Variants in GRM7 observed in about 807,000 individuals in gnomAD.
GRM7 encodes the protein glutamate metabotropic receptor 7, also known as metabotropic glutamate receptor 7.
GRM7 carries 35 observed loss-of-function variants against 84.5 expected under a neutral mutation model. The ratio of observed to expected loss-of-function variants is 0.41; its 90% CI spans 0.32 to 0.55. GRM7 has a LOEUF of 0.55. GRM7 is among the 20% of genes least tolerant of loss of function. The pLI is 0.19. For synonymous variants in GRM7, 487 were observed against 455.1 expected (o/e 1.07, Z -0.89); for missense variants, 1,003 against 1,194.6 (o/e 0.84, Z 2.36).
At chr3:6,970,564 G>A (rs1482411899) in intron 1 of GRM7, among the ~76,000 whole-genome samples, 1 of 152,234 alleles carries the variant, frequency 6.6e-6, no homozygotes, top group Non-Finnish European at 1.5e-5. Context: ...ATTGGTAAGA[G>A]GGAAAGCCGT....
At chr3:7,566,718 A>G (rs1399446651) in intron 7 of GRM7, among the ~76,000 whole-genome samples, 2 of 151,812 alleles carry the variant, frequency 1.3e-5, no homozygotes, top group Non-Finnish European at 2.9e-5. Context: ...CTAAGAATAT[A>G]TGGTATTTTT....
chr3:7,168,607 T>G (rs552747640), intron 2 of GRM7, among the ~76,000 whole-genome samples: 2 of 152,292 alleles, frequency 1.3e-5, no homozygotes, highest in African/African-American at 4.8e-5. Flanking sequence ...GTTTAAGCCC[T>G]TCAATGTATG....
intron 9 of GRM7, among the ~76,000 whole-genome samples, chr3:7,713,959 T>C (rs1412243697): frequency 6.6e-6 from 1 of 152,148 alleles, no homozygotes; most frequent in Non-Finnish European, 1.5e-5. Flanking sequence ...GTCTCTTCTT[T>C]ACTGAAAGTA....
chr3:7,104,814 A>G (rs1699240048), intron 1 of GRM7, among the ~76,000 whole-genome samples: 1 of 151,844 alleles, frequency 6.6e-6, no homozygotes, highest in African/African-American at 2.4e-5. Flanking sequence ...AAATGAAGCA[A>G]CTTTTACAAT....
intron 4 of GRM7, among the ~76,000 whole-genome samples, chr3:7,311,128 A>C (rs1448272154): frequency 6.6e-6 from 1 of 152,212 alleles, no homozygotes; most frequent in Non-Finnish European, 1.5e-5. Flanking sequence ...CAAGAATAAA[A>C]TAGTAAAGAG....
At chr3:7,605,019 C>T (rs1438869678) in intron 8 of GRM7, among the ~76,000 whole-genome samples, 1 of 152,138 alleles carries the variant, frequency 6.6e-6, no homozygotes, top group Non-Finnish European at 1.5e-5. Flanking sequence ...TTCATTAGTT[C>T]ATTCAGTCCT....
At chr3:7,731,994 T>C (rs1018146565) in intron 9 of GRM7, among the ~76,000 whole-genome samples, 3 of 152,184 alleles carry the variant, frequency 2.0e-5, no homozygotes, top group African/African-American at 7.2e-5. Context: ...TTGAACGAGA[T>C]AATATGAGTG....
intron 1 of GRM7, among the ~76,000 whole-genome samples, chr3:7,123,332 A>G (rs1380881381): frequency 6.6e-6 from 1 of 152,088 alleles, no homozygotes; most frequent in Non-Finnish European, 1.5e-5. Flanking sequence ...TTTTTAAGAA[A>G]GTGGGGCCAG....
chr3:7,599,810 C>T (rs929047554), intron 8 of GRM7, among the ~76,000 whole-genome samples: 1 of 151,896 alleles, frequency 6.6e-6, no homozygotes, highest in Admixed American at 6.6e-5. Context: ...GCTGTTGATT[C>T]GGGAGCACAA....
chr3:7,288,629 G>C (rs537946272), intron 2 of GRM7, among the ~76,000 whole-genome samples: 3 of 152,238 alleles, frequency 2.0e-5, no homozygotes, highest in South Asian at 2.1e-4. Context: ...CATTAAAAAT[G>C]CTTTGGAACC....
chr3:7,298,791 G>A lies in GRM7; in HGVS notation c.844G>A (p.Ala282Thr). 5 of 1,613,618 alleles carry A rather than the reference G, an allele frequency of 3.1e-6. No homozygotes were observed. The highest frequency in any genetic ancestry group is 4.2e-6 in the Non-Finnish European group (5 of 1,179,648). Reference protein sequence around the residue: ...KQLLDTPNSRAVVIFANDEDI... With the variant: ...KQLLDTPNSRTVVIFANDEDI... ...GCTCCTGGACACCCCCAACTCCAGG[G>A]CCGTCGTGATTTTTGCCAACGATGA... The change falls in exon 3 of 10, where the codon GCC becomes ACC. Residue 282 changes from alanine to threonine, a missense_variant. Ala to Thr is a moderately conservative substitution (Grantham distance 58, BLOSUM62 0). This residue lies in a region of GRM7 where 910 missense variants were observed against 1,126.0 expected (regional missense o/e 0.81). Transcript: ENST00000357716.
chr3:7,398,547 G>C (rs148635338), intron 4 of GRM7, among the ~76,000 whole-genome samples: 1 of 151,986 alleles, frequency 6.6e-6, no homozygotes, highest in Admixed American at 6.6e-5. Flanking sequence ...GGTAGCCTAC[G>C]TATGGAAAAA....
rs575970535 is a variant in GRM7 at position 7,095,810 on chromosome 3, G to A, written c.520-50642G>A. Among the ~76,000 whole-genome samples the A allele has an allele frequency of 1.1e-4, 17 of 151,904 alleles. 1 individual carries two copies. The South Asian group carries it at 3.3e-3, about 30-fold the overall frequency. On this transcript the variant is annotated intron_variant, in intron 1 of 9. Coordinates refer to ENST00000357716, the MANE Select transcript of GRM7 (RefSeq NM_000844.4). ...AAATTTCTTCACCAACTCTTATTTTGAATCTCTAAGATGTTCAGTTTCTCA... is the reference window on the plus strand; with the variant it reads ...AAATTTCTTCACCAACTCTTATTTTAAATCTCTAAGATGTTCAGTTTCTCA...
chr3:7,114,498 A>T (rs1692965053), intron 1 of GRM7, among the ~76,000 whole-genome samples: 2 of 152,210 alleles, frequency 1.3e-5, no homozygotes, highest in South Asian at 2.1e-4. Context: ...TTAATACATA[A>T]AATTTACTAA....
intron 2 of GRM7, among the ~76,000 whole-genome samples, chr3:7,286,300 G>C (rs1299166697): frequency 6.6e-6 from 1 of 152,084 alleles, no homozygotes. Flanking sequence ...TTTGGTATTT[G>C]TCGGGCCAGT....
At position 7,663,553 on chromosome 3, in the gene GRM7, T is replaced by G. The variant is rs568605381; in HGVS notation, c.2452-16496T>G. 1.1e-4 allele frequency among the ~76,000 whole-genome samples: 17 copies of G among 152,286 alleles called. No homozygotes were observed. In the South Asian group the frequency reaches 3.3e-3, roughly 30 times the overall value. ...CTGCTTCTGTGTTTCCTTCATATAT[T>G]GTTCATGCTTTTTATACAAGGCATG... On this transcript the variant is annotated intron_variant, in intron 8 of 9. Coordinates refer to ENST00000357716, the MANE Select transcript of GRM7 (RefSeq NM_000844.4).
chr3:7,221,923 C>T (rs1380857793), intron 2 of GRM7, among the ~76,000 whole-genome samples: 9 of 150,512 alleles, frequency 6.0e-5, no homozygotes. Context: ...TCTCCTGGCT[C>T]AGCCTCCCAA....
At chr3:6,870,423 G>A (rs1056867247) in intron 1 of GRM7, among the ~76,000 whole-genome samples, 1 of 152,182 alleles carries the variant, frequency 6.6e-6, no homozygotes, top group Admixed American at 6.5e-5. Context: ...GGCCATTGTG[G>A]CTGAGTAGAG....
intron 2 of GRM7, among the ~76,000 whole-genome samples, chr3:7,269,654 A>C (rs1575104397): frequency 6.6e-6 from 1 of 152,232 alleles, no homozygotes; most frequent in Non-Finnish European, 1.5e-5. Context: ...GGTGATGTAC[A>C]TGCATGAAGA....
Sources: allele counts gnomAD v4.1 joint callset (sites outside exome capture counted in the v4.1 genomes callset), GRCh38; gene constraint gnomAD v4.1.1; regional missense constraint gnomAD v4.1.1; transcripts MANE v1.5; gene names NCBI Gene and HGNC (gene_info 2026-07-23, HGNC 2026-07-21).